Variants in C9orf85 observed in about 807,000 individuals in gnomAD.
C9orf85 encodes uncharacterized protein C9orf85.
In C9orf85, 16 loss-of-function variants were observed where a neutral mutation model predicts 14.9. The ratio of observed to expected loss-of-function variants is 1.08; its 90% confidence interval spans 0.73 to 1.63. The LOEUF is 1.63. Ranked by LOEUF, C9orf85 falls within the 40% of genes most tolerant of loss-of-function variation. The probability of loss-of-function intolerance (pLI) is 0.00; values close to 1 mark genes in which losing one functional copy is unlikely to be tolerated. For synonymous variants in C9orf85, 45 were observed against 56.8 expected (o/e 0.79, Z 0.93); for missense variants, 172 against 186.1 (o/e 0.92, Z 0.44).
At chr9:71,968,023 A>AT (rs997170631) in intron 2 of C9orf85, among the ~76,000 whole-genome samples, 1 of 151,188 alleles carries the variant, frequency 6.6e-6, no homozygotes. Context: ...GCTTTAGTGA[A>AT]TTTTTTTTAT....
intron 1 of C9orf85, among the ~76,000 whole-genome samples, chr9:71,929,318 T>C (rs1456417790): frequency 6.6e-6 from 1 of 152,220 alleles, no homozygotes; most frequent in Non-Finnish European, 1.5e-5. Context: ...TTAAGATCAC[T>C]AACTTGGGGC....
At chr9:71,921,928 T>TATTATTATTATTATTA (rs1554705989) in intron 1 of C9orf85, among the ~76,000 whole-genome samples, 1 of 113,824 alleles carries the variant, frequency 8.8e-6, no homozygotes, top group African/African-American at 3.0e-5. Flanking sequence ...TTATTTTTTT[T>TATTATTATTATTATTA]TTATTATTAT....
intron 2 of C9orf85, among the ~76,000 whole-genome samples, chr9:71,956,254 T>G (rs933719023): frequency 1.4e-5 from 2 of 146,374 alleles, no homozygotes; most frequent in African/African-American, 2.5e-5. Flanking sequence ...TTTTTTTTTT[T>G]TTTTTTTTTT....
chr9:71,944,287 G>A (rs1202928799), intron 1 of C9orf85, among the ~76,000 whole-genome samples: 6 of 151,662 alleles, frequency 4.0e-5, no homozygotes, highest in Non-Finnish European at 7.4e-5. Flanking sequence ...AAGACGTTAT[G>A]TATATATTAA....
At position 71,927,477 on chromosome 9, in the gene C9orf85, A is replaced by C. The variant is rs190515521; in HGVS notation, c.102+15641A>C. Among the ~76,000 whole-genome samples the C allele has an allele frequency of 8.9e-4, 135 of 152,320 alleles. 2 individuals are homozygous for C. Among genetic ancestry groups the C allele is most frequent in the Non-Finnish European group, 7.4e-5 (5 of 68,022 alleles). ...TTAGAAGAAAAAAAAGTAAACTCAT[A>C]GTTCCAGGTTTCAACCAAACCTAGG... On this transcript the variant is annotated intron_variant, in intron 1 of 3. Transcript: ENST00000334731.
intron 1 of C9orf85, among the ~76,000 whole-genome samples, chr9:71,926,751 G>A (rs1320797703): frequency 6.6e-6 from 1 of 151,876 alleles, no homozygotes; most frequent in East Asian, 1.9e-4. Flanking sequence ...GACTAAATTA[G>A]TGATTTGGGA....
chr9:71,963,700 G>A (rs895066371), intron 2 of C9orf85, among the ~76,000 whole-genome samples: 3 of 152,228 alleles, frequency 2.0e-5, no homozygotes, highest in African/African-American at 7.2e-5. Flanking sequence ...GCTGCAGAGG[G>A]TGTACTGGGT....
chr9:71,964,104 C>G (rs561975825), intron 2 of C9orf85, among the ~76,000 whole-genome samples: 2 of 152,046 alleles, frequency 1.3e-5, no homozygotes, highest in African/African-American at 4.8e-5. Context: ...ATGCACCAAT[C>G]GACACTGTAT....
Position 71,948,817 on chromosome 9 carries a change from C to T in C9orf85, c.209+1705C>T, listed in dbSNP as rs1005798225. Reference sequence around the variant, plus strand: ...GGGATTACAGGCGTGAGCCACGCCCCCCCCCCCCCCTTTAAATAGTTTTAC... The same window carrying T: ...GGGATTACAGGCGTGAGCCACGCCCTCCCCCCCCCCTTTAAATAGTTTTAC... On this transcript the variant is annotated intron_variant, in intron 2 of 3. Transcript: ENST00000334731. Among the ~76,000 whole-genome samples, 9 of 144,502 alleles carry T rather than the reference C, an allele frequency of 6.2e-5. 1 individual carries two copies. The highest frequency in any genetic ancestry group is 3.4e-4 in the Admixed American group (5 of 14,754). The allele number at this position is 144,502 out of a possible 152,430, so 94.8% of individuals were successfully genotyped here. A position where few individuals can be genotyped will look rare whatever the true frequency, so the allele number is the denominator to read the frequency against.
At chr9:71,940,424 A>AT (rs754044983) in intron 1 of C9orf85, among the ~76,000 whole-genome samples, 7 of 152,160 alleles carry the variant, frequency 4.6e-5, no homozygotes, top group Non-Finnish European at 7.4e-5. Context: ...ACAGAGTGAG[A>AT]TTTTGTCTCT....
At chr9:71,977,978 G>A (rs1163752130), downstream of C9orf85, among the ~76,000 whole-genome samples, 1 of 151,990 alleles carries the variant, frequency 6.6e-6, no homozygotes, top group Non-Finnish European at 1.5e-5. Flanking sequence ...TAAACTAAGT[G>A]GTACAAGTGG....
downstream of C9orf85, among the ~76,000 whole-genome samples, chr9:71,974,245 T>C (rs1415873968): frequency 1.5e-5 from 1 of 68,832 alleles, no homozygotes; most frequent in Admixed American, 2.6e-4. Context: ...TATTTTTTAT[T>C]TTACTTTTTT....
intron 2 of C9orf85, among the ~76,000 whole-genome samples, chr9:71,957,455 T>G (rs1822409278): frequency 6.6e-6 from 1 of 152,182 alleles, no homozygotes. Flanking sequence ...GATTACTTAC[T>G]GCTGCAAAGA....
intron 1 of C9orf85, among the ~76,000 whole-genome samples, chr9:71,943,899 A>G (rs541861638): frequency 2.6e-5 from 4 of 151,622 alleles, no homozygotes; most frequent in East Asian, 3.9e-4. Flanking sequence ...TTTGACAACA[A>G]ATAGAATGCT....
chr9:71,954,004 G>A (rs1822312899), intron 2 of C9orf85, among the ~76,000 whole-genome samples: 1 of 151,428 alleles, frequency 6.6e-6, no homozygotes, highest in African/African-American at 2.4e-5. Flanking sequence ...GGAGACTGAG[G>A]CAGGAGACTG....
At chr9:71,970,153 G>A (rs1481584774) in intron 2 of C9orf85, among the ~76,000 whole-genome samples, 1 of 151,964 alleles carries the variant, frequency 6.6e-6, no homozygotes, top group Non-Finnish European at 1.5e-5. Flanking sequence ...TCACCATGTT[G>A]GCCAGGCTAG....
intron 2 of C9orf85, among the ~76,000 whole-genome samples, chr9:71,955,229 G>A (rs747307080): frequency 6.6e-5 from 10 of 152,026 alleles, no homozygotes; most frequent in Non-Finnish European, 1.5e-4. Flanking sequence ...ACTTATATTT[G>A]TTCATTGAGT....
At chr9:71,945,261 A>G (rs1822054490) in intron 1 of C9orf85, among the ~76,000 whole-genome samples, 1 of 152,230 alleles carries the variant, frequency 6.6e-6, no homozygotes, top group Admixed American at 6.5e-5. Context: ...TTGCTTCTGC[A>G]TTTCTTAGCT....
chr9:71,963,343 C>T (rs112599816), intron 2 of C9orf85, among the ~76,000 whole-genome samples: 11 of 152,144 alleles, frequency 7.2e-5, no homozygotes, highest in African/African-American at 2.4e-4. Flanking sequence ...CGGTGTGCTG[C>T]TTCCAAGATG....
Sources: allele counts gnomAD v4.1 joint callset (sites outside exome capture counted in the v4.1 genomes callset), GRCh38; gene constraint gnomAD v4.1.1; transcripts MANE v1.5; gene names NCBI Gene and HGNC (gene_info 2026-07-23, HGNC 2026-07-21).